The following ZIC4 variants were observed in gnomAD, a reference collection of about 807,000 sequenced individuals.
The protein encoded by ZIC4 is zinc finger protein ZIC 4.
Under a neutral mutation model 28.8 loss-of-function variants are expected in ZIC4, and 15 were observed. The observed-to-expected ratio is 0.52, with a 90% confidence interval of 0.35 to 0.80. The LOEUF (loss-of-function observed/expected upper bound fraction) is 0.80. Ranked by LOEUF, ZIC4 falls within the 30% of genes least tolerant of loss-of-function variation. The pLI, the probability that ZIC4 is intolerant of heterozygous loss-of-function variation, is 0.01. For synonymous variants in ZIC4, 220 were observed against 198.1 expected, an observed-to-expected ratio of 1.11 and a Z score of -0.93; for missense variants, 512 against 467.1, an observed-to-expected ratio of 1.10 and a Z score of -0.89.
At chr3:147,404,403 C>A in intron 1 of ZIC4, 1 of 713,132 alleles carries the variant, frequency 1.4e-6, no homozygotes, top group Non-Finnish European at 1.8e-6. Context: ...GCGTTTCCAT[C>A]ACACAGCCTA....
chr3:147,393,827 G>C (rs1474488361), intron 3 of ZIC4: 1 of 454,854 alleles, frequency 2.2e-6, no homozygotes, highest in Non-Finnish European at 4.4e-6. Flanking sequence ...GCCGAGCGCG[G>C]TTGCTGGCCC....
intron 2 of ZIC4, among the ~76,000 whole-genome samples, chr3:147,397,948 C>T (rs1290977901): frequency 2.0e-5 from 3 of 152,118 alleles, no homozygotes; most frequent in Non-Finnish European, 4.4e-5. Context: ...CTTGCAGGCC[C>T]CTCCTCCCCG....
intron 1 of ZIC4, chr3:147,405,272 C>T (rs117756525): frequency 1.6e-4 from 192 of 1,168,752 alleles, no homozygotes; most frequent in East Asian, 2.6e-4. Context: ...AATCACCCCT[C>T]CCCCAACCTG....
At chr3:147,398,209 T>G (rs748092787) in intron 2 of ZIC4, among the ~76,000 whole-genome samples, 1 of 152,232 alleles carries the variant, frequency 6.6e-6, no homozygotes, top group Non-Finnish European at 1.5e-5. Context: ...TCCTGAGCGC[T>G]ATACCCCGCA....
intron 2 of ZIC4, among the ~76,000 whole-genome samples, chr3:147,398,058 A>C (rs1026104601): frequency 2.6e-5 from 4 of 152,086 alleles, no homozygotes; most frequent in Admixed American, 2.6e-4. Flanking sequence ...GCTGGGCTCG[A>C]ACCCGTGCCT....
At chr3:147,399,021 G>T (rs925044076) in intron 2 of ZIC4, among the ~76,000 whole-genome samples, 1 of 151,668 alleles carries the variant, frequency 6.6e-6, no homozygotes, top group Non-Finnish European at 1.5e-5. Flanking sequence ...ACTTAGACAC[G>T]TCCAGGTCTT....
intron 2 of ZIC4, among the ~76,000 whole-genome samples, chr3:147,400,788 A>G (rs986646237): frequency 1.3e-5 from 2 of 152,150 alleles, no homozygotes; most frequent in Non-Finnish European, 2.9e-5. Context: ...AGAGCCTGGG[A>G]AGCAGGGAAC....
rs930232531 is a variant in ZIC4 at position 147,388,678 on chromosome 3, G to A, written c.*181C>T. ...AATGAAAAGCCTGGACGGGCTCCAG[G>A]CTTGGCCTTTCAGGATTTCAGTGCG... is the stretch of plus-strand genomic sequence containing the variant. On this transcript the variant is annotated 3_prime_UTR_variant, in exon 5 of 5. Transcript: ENST00000383075. 15 of 604,956 alleles carry A rather than the reference G, an allele frequency of 2.5e-5. No individual in the cohort carries two copies. The highest frequency in any genetic ancestry group is 5.6e-5 in the African/African-American group (3 of 53,970). The allele number at this position is 604,956 out of a possible 1,614,324, so 37.5% of individuals were successfully genotyped here. A position where few individuals can be genotyped will look rare whatever the true frequency, so the allele number is the denominator to read the frequency against.
At chr3:147,389,107 T>G in intron 4 of ZIC4, 1 of 568,666 alleles carries the variant, frequency 1.8e-6, no homozygotes, top group East Asian at 2.9e-5. Context: ...TGTTGCCGAC[T>G]GCCCGCGCTG....
intron 2 of ZIC4, among the ~76,000 whole-genome samples, chr3:147,397,613 G>A (rs919462172): frequency 2.6e-5 from 4 of 152,054 alleles, no homozygotes; most frequent in African/African-American, 9.7e-5. Flanking sequence ...AGCATTGCGG[G>A]ACCTCAGTCG....
At chr3:147,399,016 G>A (rs1456309570) in intron 2 of ZIC4, among the ~76,000 whole-genome samples, 2 of 151,640 alleles carry the variant, frequency 1.3e-5, no homozygotes, top group Non-Finnish European at 2.9e-5. Context: ...TCTCTACTTA[G>A]ACACGTCCAG....
intron 3 of ZIC4, chr3:147,392,295 A>G: frequency 1.7e-5 from 17 of 985,782 alleles, no homozygotes; most frequent in Non-Finnish European, 2.0e-5. Context: ...GAGGGCCACC[A>G]GGCGGCTGGC....
chr3:147,398,626 C>T (rs1400766504), intron 2 of ZIC4, among the ~76,000 whole-genome samples: 1 of 152,124 alleles, frequency 6.6e-6, no homozygotes, highest in Non-Finnish European at 1.5e-5. Context: ...TGCCTTGTCG[C>T]TGCAGCCGAA....
chr3:147,402,818 T>A lies in ZIC4; in HGVS notation c.-15-6A>T, dbSNP rs140613914. 1 of 1,613,036 alleles carries A rather than the reference T, an allele frequency of 6.2e-7. No homozygotes were observed. Among genetic ancestry groups the A allele is most frequent in the East Asian group, 2.2e-5 (1 of 44,842 alleles). On this transcript the variant is annotated splice_region_variant and splice_polypyrimidine_tract_variant and intron_variant, in intron 1 of 4. Transcript: ENST00000383075. ...CTCATTTTCTGACTTTGAGCCTGTT[T>A]GGGAAGAAAAGAGTGACAGTCACTA... is the stretch of plus-strand genomic sequence containing the variant.
chr3:147,398,560 C>T (rs2087100112), intron 2 of ZIC4, among the ~76,000 whole-genome samples: 1 of 152,122 alleles, frequency 6.6e-6, no homozygotes, highest in South Asian at 2.1e-4. Context: ...TCTGAGCCGA[C>T]CGGCTAAGGT....
In ZIC4 at chr3:147,396,670, GT is replaced by G. The variant is rs1553766962; in HGVS notation, c.71-202del. 1 of 569,532 alleles carries G rather than the reference GT, an allele frequency of 1.8e-6. No homozygotes were observed. 35.3% of individuals were successfully genotyped at this position (569,532 alleles called of 1,614,324 possible). A position where few individuals can be genotyped will look rare whatever the true frequency, so the allele number is the denominator to read the frequency against. The stretch of plus-strand genomic sequence containing the variant: ...TCCGCCGCCATTGGGCCGAATTGCT[GT>G]TGGGCCAAGTCCCCCGCCGCGCCAT... On this transcript the variant is annotated intron_variant, in intron 2 of 4. Transcript: ENST00000383075. This position sits in a 1 kb window ranked among gnomAD's most constrained non-coding sequence, Gnocchi z 4.2.
At position 147,388,790 on chromosome 3, in the gene ZIC4, T is replaced by C; in HGVS notation, c.*69A>G. ...TGCTTTGTGCGCGGGCCCTTTGATG[T>C]AGCAGGCGCGAGATGCGGGGCGCTC... is the stretch of plus-strand genomic sequence containing the variant. On this transcript the variant is annotated 3_prime_UTR_variant, in exon 5 of 5. Transcript: ENST00000383075. The C allele has an allele frequency of 1.3e-6, 1 of 765,808 alleles. No individual in the cohort carries two copies. Among genetic ancestry groups the C allele is most frequent in the Non-Finnish European group, 2.4e-6 (1 of 413,474 alleles). 47.4% of individuals were successfully genotyped at this position (765,808 alleles called of 1,614,324 possible).
chr3:147,388,949 A>T (rs2086850242), intron 4 of ZIC4, 90 bp from the exon 5 acceptor site: 1 of 750,938 alleles, frequency 1.3e-6, no homozygotes, highest in South Asian at 1.4e-5. Context: ...ATAGAAAGCA[A>T]AATGGGGAGC....
chr3:147,405,131 C>T (rs1457368150), intron 1 of ZIC4, among the ~76,000 whole-genome samples: 1 of 152,222 alleles, frequency 6.6e-6, no homozygotes, highest in African/African-American at 2.4e-5. Flanking sequence ...GGCCTTTACT[C>T]ATTCTCCTGT....
Sources: allele counts gnomAD v4.1 joint callset (sites outside exome capture counted in the v4.1 genomes callset), GRCh38; gene constraint gnomAD v4.1.1; non-coding constraint Gnocchi (gnomAD v3.1); transcripts MANE v1.5; gene names NCBI Gene and HGNC (gene_info 2026-07-23, HGNC 2026-07-21).